Variants in BGLAP observed in about 807,000 individuals in gnomAD.
BGLAP encodes bone gamma-carboxyglutamate protein.
A neutral mutation model predicts 13.7 loss-of-function variants in BGLAP; 15 were observed. The ratio of observed to expected loss-of-function variants is 1.09; its 90% CI spans 0.73 to 1.68. BGLAP has a LOEUF of 1.68. Ranked by LOEUF, BGLAP falls within the 40% of genes most tolerant of loss-of-function variation. The probability of loss-of-function intolerance (pLI) is 0.00; values close to 1 mark genes in which losing one functional copy is unlikely to be tolerated. For synonymous variants in BGLAP, 67 were observed against 56.2 expected (o/e 1.19, Z -0.86); for missense variants, 120 against 134.3 (o/e 0.89, Z 0.53).
At chr1:156,242,320 G>C in intron 1 of BGLAP, 25 bp downstream of exon 1, 1 of 1,609,972 alleles carries the variant, frequency 6.2e-7, no homozygotes, top group Non-Finnish European at 8.5e-7. Context: ...CTCCCCTCAG[G>C]CCGCATTGCA....
chr1:156,243,169 G>A lies in BGLAP; in HGVS notation c.*7G>A, dbSNP rs376163537. ...CTTCTACGGCCCGGTCTAGGGTGTC[G>A]CTCTGCTGGCCTGGCCGGCAACCCC... On this transcript the variant is annotated 3_prime_UTR_variant, in exon 4 of 4. Transcript: ENST00000368272. 3.1e-5 allele frequency: 50 copies of A among 1,613,182 alleles called. No homozygotes were observed. The highest frequency in any genetic ancestry group is 5.5e-5 in the South Asian group (5 of 91,080).
intron 2 of BGLAP, 66 bp downstream of exon 2, chr1:156,242,657 C>T: frequency 6.2e-7 from 1 of 1,605,504 alleles, no homozygotes; most frequent in Non-Finnish European, 8.5e-7. Flanking sequence ...AGTCTCATTC[C>T]CCCACTCCTG....
At chr1:156,242,418 A>G in intron 1 of BGLAP, 123 bp downstream of exon 1, 1 of 1,542,150 alleles carries the variant, frequency 6.5e-7, no homozygotes, top group African/African-American at 1.4e-5. Context: ...ACCTTGTTGC[A>G]GGCTCAATCC....
chr1:156,242,662 C>T, intron 2 of BGLAP, 71 bp downstream of exon 2: 2 of 1,607,042 alleles, frequency 1.2e-6, no homozygotes, highest in Non-Finnish European at 1.7e-6. Context: ...CATTCCCCCA[C>T]TCCTGCCACC....
intron 3 of BGLAP, 101 bp downstream of exon 3, chr1:156,242,932 C>G: frequency 6.3e-7 from 1 of 1,582,132 alleles, no homozygotes; most frequent in South Asian, 1.2e-5. Context: ...GGTGGGGGTA[C>G]AGGCAGCCTG....
chr1:156,243,271 G>A lies in BGLAP; in HGVS notation c.*109G>A. ...CTGACCTCCCAGCCCTATGGATGTGGGGTCCCCATCATCCCAGCTGCTCCC... is the reference window on the plus strand; with the variant it reads ...CTGACCTCCCAGCCCTATGGATGTGAGGTCCCCATCATCCCAGCTGCTCCC... On this transcript the variant is annotated 3_prime_UTR_variant, in exon 4 of 4. Coordinates refer to ENST00000368272, the MANE Select transcript of BGLAP (RefSeq NM_199173.6). 6.5e-7 allele frequency: 1 copy of A among 1,539,444 alleles called. No homozygotes were observed. The highest frequency in any genetic ancestry group is 1.2e-5 in the South Asian group (1 of 84,524).
At chr1:156,242,968 T>A in intron 3 of BGLAP, 65 bp from the exon 4 acceptor site, 1 of 1,608,140 alleles carries the variant, frequency 6.2e-7, no homozygotes, top group East Asian at 2.2e-5. Context: ...TGGAGCCCCA[T>A]GTGTAGGGAG....
chr1:156,242,231 C>A lies in BGLAP; in HGVS notation c.-1C>A. The A allele has an allele frequency of 6.2e-7, 1 of 1,613,234 alleles. No individual in the cohort carries two copies. The highest frequency in any genetic ancestry group is 8.5e-7 in the Non-Finnish European group (1 of 1,179,940). The stretch of plus-strand genomic sequence containing the variant: ...CAGCCCAGCGCAGCCACCGAGACAC[C>A]ATGAGAGCCCTCACACTCCTCGCCC... On this transcript the variant is annotated 5_prime_UTR_variant, in exon 1 of 4. Transcript: ENST00000368272.
At chr1:156,242,675 C>G in intron 2 of BGLAP, 84 bp downstream of exon 2, 1 of 1,609,694 alleles carries the variant, frequency 6.2e-7, no homozygotes, top group East Asian at 2.2e-5. Flanking sequence ...CTGCCACCTC[C>G]TGTCTGGCCA....
At chr1:156,242,492 G>A in intron 1 of BGLAP, 61 bp from the exon 2 acceptor site, 2 of 1,551,572 alleles carry the variant, frequency 1.3e-6, no homozygotes, top group South Asian at 1.2e-5. Flanking sequence ...GAGACGCAGG[G>A]GAAGGAGGAT....
chr1:156,242,785 A>G lies in BGLAP; in HGVS notation c.127A>G (p.Ser43Gly), dbSNP rs537810779. The G allele has an allele frequency of 6.2e-7, 1 of 1,600,578 alleles. No homozygotes were observed. Among genetic ancestry groups the G allele is most frequent in the East Asian group, 2.2e-5 (1 of 44,694 alleles). The change falls in exon 3 of 4, where the codon AGC becomes GGC. Residue 43 changes from serine (S) to glycine (G), a missense_variant. Physicochemically the swap from Ser to Gly is moderately conservative, Grantham distance 56 (BLOSUM62 0). Transcript: ENST00000368272. ...AGCCTTTGTGTCCAAGCAGGAGGGC[A>G]GCGAGGTAGTGAAGAGACCCAGGCG... ...GAAFVSKQEG[S>G]EVVKRPRRYL...
At position 156,243,039 on chromosome 1, in the gene BGLAP, A is replaced by T. The variant is rs146004897; in HGVS notation, c.180A>T (p.Pro60=). Residue 60 remains proline, a synonymous_variant, in exon 4 of 4, where the codon CCA becomes CCT. Coordinates refer to ENST00000368272, the MANE Select transcript of BGLAP (RefSeq NM_199173.6). ...ACCACGTCGGGTGTCTCAGAGCCCC[A>T]GTCCCCTACCCGGATCCCCTGGAGC... ...RRYLYQWLGA[P]VPYPDPLEPR... 330 of 1,614,140 alleles carry T rather than the reference A, an allele frequency of 2.0e-4. 2 individuals are homozygous for T. Among genetic ancestry groups the T allele is most frequent in the Middle Eastern group, 2.0e-3 (12 of 6,060 alleles).
rs1293176561 is a variant in BGLAP, at chr1:156,242,475, G to T, written c.65-78G>T. ...GCAGAGGGAGAGGAGGGAAGAGCAA[G>T]CTGCCCGAGACGCAGGGGAAGGAGG... is the stretch of plus-strand genomic sequence containing the variant. On this transcript the variant is annotated intron_variant, in intron 1 of 3. Transcript: ENST00000368272. 5 of 1,550,620 alleles carry T rather than the reference G, an allele frequency of 3.2e-6. No individual in the cohort carries two copies. The Admixed American group carries it at 5.9e-5, about 18-fold the overall frequency.
intron 1 of BGLAP, 28 bp from the exon 2 acceptor site, chr1:156,242,525 G>A (rs556812182): frequency 6.4e-7 from 1 of 1,551,836 alleles, no homozygotes; most frequent in Non-Finnish European, 8.7e-7. Context: ...GATGAGCTGG[G>A]GTGAACCAGG....
At chr1:156,242,883 G>GT (rs1397848541) in intron 3 of BGLAP, 52 bp downstream of exon 3, 1 of 1,573,458 alleles carries the variant, frequency 6.4e-7, no homozygotes, top group Non-Finnish European at 8.6e-7. Context: ...GGGATGGTCT[G>GT]TGGGGGAGCT....
At chr1:156,242,717 C>G in intron 2 of BGLAP, 45 bp from the exon 3 acceptor site, 1 of 1,596,950 alleles carries the variant, frequency 6.3e-7, no homozygotes, top group South Asian at 1.1e-5. Flanking sequence ...CCACCTGATC[C>G]TCCCAAACCC....
chr1:156,242,860 GC>G (rs1659529568), intron 3 of BGLAP, 29 bp downstream of exon 3: 1 of 1,576,136 alleles, frequency 6.3e-7, no homozygotes, highest in African/African-American at 1.3e-5. Flanking sequence ...CTGGGCCAAG[GC>G]CCTGCCTCTC....
At chr1:156,242,368 T>G in intron 1 of BGLAP, 73 bp downstream of exon 1, 1 of 1,570,214 alleles carries the variant, frequency 6.4e-7, no homozygotes, top group Admixed American at 1.8e-5. Flanking sequence ...GGCCCACCTC[T>G]TCTCACCCCT....
chr1:156,242,533 A>G lies in BGLAP; in HGVS notation c.65-20A>G, dbSNP rs942872198. The G allele has an allele frequency of 6.4e-6, 10 of 1,551,708 alleles. No individual in the cohort carries two copies. Among genetic ancestry groups the G allele is most frequent in the Non-Finnish European group, 8.7e-6 (10 of 1,147,022 alleles). ...CCCTGGGGATGAGCTGGGGTGAACC[A>G]GGCTCCCTTTCCTTTGCAGGTGCGA... On this transcript the variant is annotated intron_variant, in intron 1 of 3. Coordinates refer to ENST00000368272, the MANE Select transcript of BGLAP (RefSeq NM_199173.6).
Sources: allele counts gnomAD v4.1 joint callset, GRCh38; gene constraint gnomAD v4.1.1; transcripts MANE v1.5; gene names NCBI Gene and HGNC (gene_info 2026-07-23, HGNC 2026-07-21).